CCT3: variants seen among roughly 807,000 people sequenced by gnomAD.
CCT3 encodes T-complex protein 1 subunit gamma.
A neutral mutation model predicts 65.3 loss-of-function variants in CCT3; 10 were observed. That is an observed-to-expected ratio of 0.15 (90% confidence interval 0.09 to 0.26). CCT3 has a LOEUF of 0.26. Among genes scored for constraint, CCT3 ranks in the 10% least tolerant of loss-of-function variants. The probability of loss-of-function intolerance (pLI) is 1.00; values close to 1 mark genes in which losing one functional copy is unlikely to be tolerated. For missense variants in CCT3, 626 were observed against 708.7 expected, an observed-to-expected ratio of 0.88 and a Z score of 1.33; for synonymous variants, 225 against 242.3, an observed-to-expected ratio of 0.93 and a Z score of 0.66.
chr1:156,320,485 T>A (rs1252976741), intron 7 of CCT3, among the ~76,000 whole-genome samples: 1 of 151,950 alleles, frequency 6.6e-6, no homozygotes. Flanking sequence ...TGATGGCTTA[T>A]GCCTATAATC....
intron 1 of CCT3, chr1:156,337,014 AG>A: frequency 8.7e-7 from 1 of 1,144,836 alleles, no homozygotes; most frequent in Non-Finnish European, 1.1e-6. Flanking sequence ...ACGGTAAGGG[AG>A]GGGAGATGGC....
chr1:156,332,060 T>C (rs1235482927), intron 5 of CCT3, among the ~76,000 whole-genome samples: 1 of 150,968 alleles, frequency 6.6e-6, no homozygotes, highest in Non-Finnish European at 1.5e-5. Context: ...TGGTCTTGCT[T>C]TGTTGCCCAG....
At chr1:156,312,275 T>C in intron 10 of CCT3, 54 bp from the exon 11 acceptor site, 1 of 1,552,550 alleles carries the variant, frequency 6.4e-7, no homozygotes, top group South Asian at 1.2e-5. Context: ...CTTGTACCCA[T>C]TTCCCTAGTC....
At chr1:156,318,506 A>G (rs575983189) in intron 8 of CCT3, among the ~76,000 whole-genome samples, 2 of 152,186 alleles carry the variant, frequency 1.3e-5, no homozygotes, top group Non-Finnish European at 1.5e-5. Flanking sequence ...GGTGTGAGCC[A>G]CTGCATTAAG....
At chr1:156,317,049 T>A (rs1664340399) in intron 10 of CCT3, 117 bp downstream of exon 10, 2 of 896,554 alleles carry the variant, frequency 2.2e-6, no homozygotes, top group Admixed American at 4.1e-5. Flanking sequence ...AAGCCAAGGT[T>A]ATTTCTACCT....
chr1:156,336,057 A>G (rs552517001), intron 1 of CCT3, 169 bp from the exon 2 acceptor site: 17 of 499,240 alleles, frequency 3.4e-5, no homozygotes, highest in African/African-American at 3.3e-4. Context: ...TATGTCAACC[A>G]TATCTCAAAA....
intron 1 of CCT3, chr1:156,337,121 G>A (rs1264599813): frequency 4.7e-6 from 6 of 1,283,992 alleles, no homozygotes; most frequent in African/African-American, 1.5e-5. Context: ...AAAAAAATAA[G>A]GGACCGGGCG....
chr1:156,329,938 CG>C (rs1448523155), intron 5 of CCT3, among the ~76,000 whole-genome samples: 1 of 143,190 alleles, frequency 7.0e-6, no homozygotes, highest in Non-Finnish European at 1.5e-5. Context: ...AACTCTGTCT[CG>C]AAAAAAAAAA....
intron 5 of CCT3, chr1:156,333,302 A>AG (rs1665191720): frequency 2.5e-6 from 1 of 397,830 alleles, no homozygotes; most frequent in Admixed American, 3.9e-5. Context: ...AAAAAAAAAA[A>AG]AAAAAAAGAA....
intron 6 of CCT3, among the ~76,000 whole-genome samples, chr1:156,322,383 G>A (rs1332608058): frequency 6.6e-6 from 1 of 151,968 alleles, no homozygotes. Context: ...TGTAGTCCCA[G>A]CTACTTGGGA....
At chr1:156,317,688 T>C (rs961296425) in intron 8 of CCT3, 141 bp from the exon 9 acceptor site, 1 of 704,704 alleles carries the variant, frequency 1.4e-6, no homozygotes, top group African/African-American at 1.8e-5. Context: ...AACACCTCTG[T>C]AAGCCAATTT....
chr1:156,338,259 G>C lies in CCT3; in HGVS notation c.-75C>G, dbSNP rs973783094. On this transcript the variant is annotated 5_prime_UTR_variant, in exon 1 of 14. Coordinates refer to ENST00000295688, the MANE Select transcript of CCT3 (RefSeq NM_005998.5). ...CCTTCTGGAGAGAGAGAACCAGACA[G>C]AAGCCCAGAAAACGCTGCCTCCTCA... is the stretch of plus-strand genomic sequence containing the variant. 1.3e-6 allele frequency: 2 copies of C among 1,500,674 alleles called. No individual in the cohort carries two copies. The highest frequency in any genetic ancestry group is 1.8e-6 in the Non-Finnish European group (2 of 1,100,278). The allele number at this position is 1,500,674 out of a possible 1,614,324, so 93.0% of individuals were successfully genotyped here.
rs145133133 is a variant in CCT3 at position 156,317,233 on chromosome 1, A to G, written c.907T>C (p.Tyr303His). 23 of 1,614,068 alleles carry G rather than the reference A, an allele frequency of 1.4e-5. No homozygotes were observed. Among genetic ancestry groups the G allele is most frequent in the African/African-American group, 2.7e-5 (2 of 74,948 alleles). The part of the protein sequence containing the change: ...EKGISDLAQH[Y>H]LMRANITAIR... The stretch of plus-strand genomic sequence containing the variant: ...GCTGTGATATTGGCCCGCATAAGGT[A>G]GTGCTGAGCTAAATCTACAAATCCA... The change falls in exon 10 of 14, where the codon TAC becomes CAC. Residue 303 changes from tyrosine (Y) to histidine (H), a missense_variant. Coordinates refer to ENST00000295688, the MANE Select transcript of CCT3 (RefSeq NM_005998.5).
At chr1:156,334,825 A>T in intron 3 of CCT3, 43 bp downstream of exon 3, 1 of 1,613,598 alleles carries the variant, frequency 6.2e-7, no homozygotes, top group Non-Finnish European at 8.5e-7. Flanking sequence ...TAACAGGAAG[A>T]AAAAAATTGT....
intron 12 of CCT3, 37 bp downstream of exon 12, chr1:156,310,913 C>A (rs201365100): frequency 1.4e-5 from 22 of 1,602,958 alleles, no homozygotes; most frequent in Non-Finnish European, 1.5e-5. Flanking sequence ...ACAGCTTTCC[C>A]TGCTCCATCA....
chr1:156,333,460 G>A (rs1665198591), intron 5 of CCT3, 87 bp downstream of exon 5: 1 of 911,634 alleles, frequency 1.1e-6, no homozygotes, highest in African/African-American at 1.6e-5. Context: ...TCTGTAATTA[G>A]TGGATCTGTA....
chr1:156,319,205 C>T lies in CCT3; in HGVS notation c.610-188G>A, dbSNP rs182163185. On this transcript the variant is annotated intron_variant, in intron 7 of 13. Transcript: ENST00000295688. The stretch of plus-strand genomic sequence containing the variant: ...TCGGCTCACTGCAAGCTCCGCCTCC[C>T]GGGTTCACGCCATTCTCCTGCCTCA... Among the ~76,000 whole-genome samples, 1,431 of 151,828 alleles carry T rather than the reference C, an allele frequency of 9.4e-3. 19 individuals carry two copies. Among genetic ancestry groups the T allele is most frequent in the African/African-American group, 0.033 (1,366 of 41,400 alleles).
chr1:156,331,908 T>C (rs1665115960), intron 5 of CCT3, among the ~76,000 whole-genome samples: 1 of 151,896 alleles, frequency 6.6e-6, no homozygotes, highest in African/African-American at 2.4e-5. Context: ...GGCCCATGCC[T>C]GTAATCCCAG....
chr1:156,338,041 G>C, intron 1 of CCT3, 113 bp downstream of exon 1: 1 of 1,168,774 alleles, frequency 8.6e-7, no homozygotes, highest in Admixed American at 2.0e-5. Flanking sequence ...TGAAGACGAT[G>C]ATTGGAAGGC....
Sources: gnomAD v4.1 joint callset for allele counts (sites outside exome capture counted in the v4.1 genomes callset) on GRCh38, gnomAD v4.1.1 for gene constraint, MANE v1.5 for transcripts, NCBI Gene and HGNC (gene_info 2026-07-23, HGNC 2026-07-21) for gene names.